The following HELZ variants were observed in gnomAD, a reference collection of about 807,000 sequenced individuals.
HELZ encodes ATP-dependent RNA helicase with zinc finger domain.
A neutral mutation model predicts 218.2 loss-of-function variants in HELZ; 23 were observed. That is an observed-to-expected ratio of 0.11 (90% CI 0.08 to 0.15). The LOEUF (loss-of-function observed/expected upper bound fraction) is 0.15, where lower values mean the gene tolerates loss of function less well. HELZ is among the 10% of genes least tolerant of loss of function. The probability of loss-of-function intolerance (pLI) is 1.00; values close to 1 mark genes in which losing one functional copy is unlikely to be tolerated. For missense variants in HELZ, 1,813 were observed against 2,353.7 expected, an observed-to-expected ratio of 0.77 and a Z score of 4.75; for synonymous variants, 814 against 829.4, an observed-to-expected ratio of 0.98 and a Z score of 0.32.
intron 27 of HELZ, among the ~76,000 whole-genome samples, chr17:67,116,416 A>G (rs1039676670): frequency 1.3e-5 from 2 of 152,106 alleles, no homozygotes. Context: ...AGAGCCACCT[A>G]TATGTTATCT....
At chr17:67,119,968 T>G in intron 27 of HELZ, 1 of 417,764 alleles carries the variant, frequency 2.4e-6, no homozygotes. Flanking sequence ...GATCCATAGT[T>G]TATATGTTAG....
intron 2 of HELZ, among the ~76,000 whole-genome samples, chr17:67,242,444 A>G (rs1430461412): frequency 6.6e-6 from 1 of 151,038 alleles, no homozygotes; most frequent in South Asian, 2.1e-4. Flanking sequence ...AAATCTATCT[A>G]TCTATATACA....
chr17:67,224,859 G>C, intron 3 of HELZ: 2 of 890,510 alleles, frequency 2.2e-6, no homozygotes, highest in Non-Finnish European at 3.7e-6. Flanking sequence ...ACATGAAACA[G>C]AGTGGCTATG....
intron 16 of HELZ, 78 bp from the exon 17 acceptor site, chr17:67,160,440 G>C: frequency 1.1e-6 from 1 of 887,400 alleles, no homozygotes; most frequent in Non-Finnish European, 1.8e-6. Context: ...AAAAAAAAAA[G>C]CAGTGGCCAT....
chr17:67,225,873 G>A (rs2040875215), intron 3 of HELZ, among the ~76,000 whole-genome samples: 1 of 152,118 alleles, frequency 6.6e-6, no homozygotes, highest in African/African-American at 2.4e-5. Flanking sequence ...TTTGTACCAT[G>A]AAAAAGACAC....
rs138158420 is a variant in HELZ at position 67,130,911 on chromosome 17, T to C, written c.3183-2056A>G. On this transcript the variant is annotated intron_variant, in intron 23 of 32. Transcript: ENST00000358691. ...GTTATTTGTTTTTTCAGAGACAGGG[T>C]TGTGCTGTCACTCAGAGTGAAGGGC... 5.8e-3 allele frequency among the ~76,000 whole-genome samples: 877 copies of C among 152,282 alleles called. 9 individuals carry two copies. Among genetic ancestry groups the C allele is most frequent in the African/African-American group, 0.019 (802 of 41,550 alleles).
chr17:67,245,099 AGCTCGCGGAGCG>A, intron 1 of HELZ, 37 bp downstream of exon 1: 1 of 984,354 alleles, frequency 1.0e-6, no homozygotes, highest in Non-Finnish European at 1.2e-6. Flanking sequence ...GAGCTCCGGG[AGCTCGCGGAGCG>A]GCCCCAGGAG....
At chr17:67,128,571 C>T in intron 24 of HELZ, 80 bp downstream of exon 24, 3 of 1,235,802 alleles carry the variant, frequency 2.4e-6, no homozygotes, top group South Asian at 2.5e-5. Flanking sequence ...CTTAAAGTAA[C>T]TTGCATCCCA....
At chr17:67,211,379 T>C (rs2040446313) in intron 5 of HELZ, among the ~76,000 whole-genome samples, 4 of 152,186 alleles carry the variant, frequency 2.6e-5, no homozygotes. Flanking sequence ...TTGATCTTAT[T>C]TTTTAGAGAG....
At chr17:67,086,631 A>AATAAATATATAT (rs1555594209) in intron 32 of HELZ, among the ~76,000 whole-genome samples, 198 bp downstream of exon 32, 9 of 93,316 alleles carry the variant, frequency 9.6e-5, no homozygotes, top group East Asian at 2.4e-4. Flanking sequence ...TATAAATATA[A>AATAAATATATAT]ATATATATAT....
Position 67,188,635 on chromosome 17 carries a change from A to G in HELZ, c.865-19T>C. On this transcript the variant is annotated intron_variant, in intron 11 of 32. Transcript: ENST00000358691. The surrounding 1 kb of genome is among the most constrained non-coding windows in gnomAD (Gnocchi z 4.1). ...TTGCAGGCTACAAGGAAGTTAAAAT[A>G]ATTCATTGAGTACAAGGGGGTGAAA... is the stretch of plus-strand genomic sequence containing the variant. The G allele has an allele frequency of 6.2e-7, 1 of 1,602,660 alleles. No homozygotes were observed.
intron 3 of HELZ, among the ~76,000 whole-genome samples, chr17:67,235,749 CTTTTT>C (rs1216322685): frequency 4.2e-4 from 33 of 78,672 alleles, no homozygotes; most frequent in African/African-American, 1.7e-3. Flanking sequence ...ACCACACACT[CTTTTT>C]TTTTTTTTTT....
intron 5 of HELZ, among the ~76,000 whole-genome samples, chr17:67,206,190 C>A (rs928906707): frequency 1.3e-5 from 2 of 152,340 alleles, no homozygotes; most frequent in Middle Eastern, 3.4e-3. Flanking sequence ...CAGATAAATT[C>A]TCTTCCCATC....
intron 13 of HELZ, among the ~76,000 whole-genome samples, chr17:67,171,837 G>GT (rs60962244): frequency 0.045 from 6,531 of 144,110 alleles, 200 homozygotes; most frequent in East Asian, 0.11. Flanking sequence ...GTTTTGTTTT[G>GT]TTTTTTTTTT....
chr17:67,140,444 T>C (rs1035376678), intron 21 of HELZ, among the ~76,000 whole-genome samples: 2 of 152,094 alleles, frequency 1.3e-5, no homozygotes, highest in Non-Finnish European at 2.9e-5. Context: ...AACATTGAAA[T>C]GAAAAATTTA....
chr17:67,168,761 A>C (rs2039223860), intron 13 of HELZ, among the ~76,000 whole-genome samples: 1 of 152,176 alleles, frequency 6.6e-6, no homozygotes, highest in Admixed American at 6.5e-5. Flanking sequence ...GAGTATGTGT[A>C]AAGGCAGCAC....
intron 5 of HELZ, among the ~76,000 whole-genome samples, chr17:67,208,307 C>T (rs779811229): frequency 5.9e-5 from 9 of 152,108 alleles, no homozygotes; most frequent in Non-Finnish European, 7.4e-5. Context: ...GAGATCTTCA[C>T]GATGATGGAG....
At chr17:67,182,175 C>T (rs1254136778) in intron 12 of HELZ, among the ~76,000 whole-genome samples, 1 of 152,192 alleles carries the variant, frequency 6.6e-6, no homozygotes, top group Non-Finnish European at 1.5e-5. Flanking sequence ...GGCGCAGTGG[C>T]TCATGCCTGT....
intron 23 of HELZ, among the ~76,000 whole-genome samples, chr17:67,135,729 G>T (rs917094089): frequency 7.9e-5 from 12 of 152,206 alleles, no homozygotes; most frequent in African/African-American, 2.9e-4. Flanking sequence ...TCAGAAGCTG[G>T]AAGAGTGCTT....
Sources: gnomAD v4.1 joint callset for allele counts (sites outside exome capture counted in the v4.1 genomes callset) on GRCh38, gnomAD v4.1.1 for gene constraint, Gnocchi (gnomAD v3.1) non-coding constraint, MANE v1.5 for transcripts, NCBI Gene and HGNC (gene_info 2026-07-23, HGNC 2026-07-21) for gene names.